Variants in KIAA1217 observed in about 807,000 individuals in gnomAD.
KIAA1217 encodes the protein sickle tail protein homolog.
In KIAA1217, 88 loss-of-function variants were observed where a neutral mutation model predicts 163.9. The observed-to-expected ratio is 0.54, with a 90% CI of 0.45 to 0.64. The LOEUF is 0.64. KIAA1217 is among the 30% of genes least tolerant of loss of function. The pLI is 0.00. For synonymous variants in KIAA1217, 903 were observed against 923.1 expected (o/e 0.98, Z 0.39); for missense variants, 2,372 against 2,475.0 (o/e 0.96, Z 0.88).
intron 2 of KIAA1217, among the ~76,000 whole-genome samples, chr10:24,170,982 T>C (rs116316566): frequency 0.018 from 2,695 of 152,310 alleles, 27 homozygotes; most frequent in Middle Eastern, 0.058. Flanking sequence ...CAAATTCCAA[T>C]GTTGTTTTCT....
rs769510313 is a variant in KIAA1217 at position 24,543,790 on chromosome 10, C to T, written c.4520C>T (p.Ala1507Val). 6.2e-6 allele frequency: 10 copies of T among 1,613,416 alleles called. No homozygotes were observed. The African/African-American group carries it at 1.1e-4, about 17-fold the overall frequency. ...NTSQMSHKKV[A>V]PGNLRTGQQV... ...TCCCAGATGTCTCATAAGAAGGTGG[C>T]CCCAGGCAATCTTAGAACCGGACAA... is the stretch of plus-strand genomic sequence containing the variant. Residue 1507 changes from alanine (A) to valine (V), a missense_variant, in exon 19 of 21, where the codon GCC becomes GTC. Transcript: ENST00000376454.
intron 1 of KIAA1217, among the ~76,000 whole-genome samples, chr10:23,772,042 A>T (rs1834820076): frequency 6.6e-6 from 1 of 152,228 alleles, no homozygotes; most frequent in Non-Finnish European, 1.5e-5. Context: ...AATTATGTGA[A>T]TTTTAAAAGT....
At chr10:23,727,208 G>A (rs751440756) in intron 1 of KIAA1217, among the ~76,000 whole-genome samples, 6 of 151,662 alleles carry the variant, frequency 4.0e-5, no homozygotes, top group Non-Finnish European at 8.8e-5. Flanking sequence ...AGTCAGGAAG[G>A]TCTCGATCTC....
intron 2 of KIAA1217, among the ~76,000 whole-genome samples, chr10:24,123,835 A>T (rs890356458): frequency 2.0e-5 from 3 of 152,184 alleles, no homozygotes; most frequent in African/African-American, 7.2e-5. Flanking sequence ...CTTCTTTGCT[A>T]ATCTCTTAGA....
intron 1 of KIAA1217, among the ~76,000 whole-genome samples, chr10:23,714,459 G>A (rs895039425): frequency 6.6e-6 from 1 of 152,022 alleles, no homozygotes; most frequent in African/African-American, 2.4e-5. Flanking sequence ...TGCAGCCAGG[G>A]CGACACTAAG....
At chr10:24,055,820 C>T (rs1849853368) in intron 2 of KIAA1217, among the ~76,000 whole-genome samples, 1 of 151,672 alleles carries the variant, frequency 6.6e-6, no homozygotes, top group South Asian at 2.1e-4. Context: ...TATTTGTGCC[C>T]TACTTATTAA....
chr10:24,353,380 G>C (rs1243307002), intron 2 of KIAA1217, among the ~76,000 whole-genome samples: 3 of 152,108 alleles, frequency 2.0e-5, no homozygotes, highest in African/African-American at 7.2e-5. Context: ...TTTCTGTGAA[G>C]TTCCGACAGG....
chr10:24,543,055 C>G lies in KIAA1217; in HGVS notation c.3785C>G (p.Thr1262Ser), dbSNP rs369544770. 1.2e-6 allele frequency: 2 copies of G among 1,613,678 alleles called. No individual in the cohort carries two copies. Among genetic ancestry groups the G allele is most frequent in the East Asian group, 4.5e-5 (2 of 44,844 alleles). The change falls in exon 19 of 21, where the codon ACT becomes AGT. Residue 1262 changes from threonine (T) to serine (S), a missense_variant. Physicochemically the swap from Thr to Ser is moderately conservative, Grantham distance 58. Transcript: ENST00000376454. The stretch of plus-strand genomic sequence containing the variant: ...GACAGTAGAAACTATTCCCAGGAAA[C>G]TGTGCCTAAGGCCAGTTTCGGTTTC... The part of the protein sequence containing the change: ...LRDSRNYSQE[T>S]VPKASFGFSG...
Position 24,227,167 on chromosome 10 carries a change from C to T in KIAA1217, c.354+7258C>T, listed in dbSNP as rs201242192. 9.1e-3 allele frequency among the ~76,000 whole-genome samples: 657 copies of T among 71,868 alleles called. 5 individuals carry two copies. The highest frequency in any genetic ancestry group is 0.031 in the African/African-American group (624 of 19,954). 47.1% of individuals were successfully genotyped at this position (71,868 alleles called of 152,430 possible). ...GGATTATTATTATTATTATTATTAT[C>T]ATTATTTTGAGACAGAGTCTCGCTC... On this transcript the variant is annotated intron_variant, in intron 2 of 20. Transcript: ENST00000376454.
rs141603678 is a variant in KIAA1217 at position 24,266,027 on chromosome 10, A to G, written c.354+46118A>G. 4.0e-3 allele frequency among the ~76,000 whole-genome samples: 603 copies of G among 152,130 alleles called. 6 individuals carry two copies. The highest frequency in any genetic ancestry group is 0.014 in the African/African-American group (574 of 41,526). On this transcript the variant is annotated intron_variant, in intron 2 of 20. Transcript: ENST00000376454. Reference sequence around the variant, plus strand: ...AAAGATACTTTGTTTTATACAGAACACTGGAGGCCCCAGTGTAATCAACAT... The same window carrying G: ...AAAGATACTTTGTTTTATACAGAACGCTGGAGGCCCCAGTGTAATCAACAT...
intron 17 of KIAA1217, among the ~76,000 whole-genome samples, chr10:24,539,260 G>C (rs187157451): frequency 4.0e-5 from 6 of 151,240 alleles, no homozygotes; most frequent in Admixed American, 4.0e-4. Context: ...ATGGAGTCTC[G>C]CTCTATCACC....
intron 1 of KIAA1217, among the ~76,000 whole-genome samples, chr10:23,924,083 A>G (rs1024862053): frequency 7.9e-5 from 12 of 152,136 alleles, no homozygotes; most frequent in Non-Finnish European, 1.0e-4. Context: ...TGATCAATTT[A>G]TGATCAAAAC....
chr10:24,284,350 T>C (rs1357170336), intron 2 of KIAA1217, among the ~76,000 whole-genome samples: 4 of 152,190 alleles, frequency 2.6e-5, no homozygotes, highest in Admixed American at 6.5e-5. Context: ...CAGCACTCAA[T>C]AGGAAGTTTT....
intron 2 of KIAA1217, among the ~76,000 whole-genome samples, chr10:24,327,655 T>A (rs1408227927): frequency 6.6e-6 from 1 of 152,110 alleles, no homozygotes; most frequent in Non-Finnish European, 1.5e-5. Flanking sequence ...ATTTTTGTAT[T>A]TTTGTAGAGA....
At chr10:24,478,435 A>C (rs1326764829) in intron 6 of KIAA1217, among the ~76,000 whole-genome samples, 5 of 152,246 alleles carry the variant, frequency 3.3e-5, no homozygotes, top group Non-Finnish European at 7.3e-5. Flanking sequence ...GAATATCTGA[A>C]GAACACAGTG....
At chr10:24,411,436 G>T (rs2131336464) in intron 3 of KIAA1217, among the ~76,000 whole-genome samples, 1 of 152,196 alleles carries the variant, frequency 6.6e-6, no homozygotes, top group Middle Eastern at 3.4e-3. Context: ...ACATTTATTG[G>T]TTTATCCCTT....
At chr10:23,797,015 GC>G (rs1352844426) in intron 1 of KIAA1217, among the ~76,000 whole-genome samples, 1 of 152,016 alleles carries the variant, frequency 6.6e-6, no homozygotes, top group Non-Finnish European at 1.5e-5. Context: ...ACCACATCTG[GC>G]TAATTGTTTC....
chr10:23,968,636 C>T (rs931632302), intron 1 of KIAA1217, among the ~76,000 whole-genome samples: 10 of 152,184 alleles, frequency 6.6e-5, no homozygotes, highest in Non-Finnish European at 1.2e-4. Context: ...CATTACCACC[C>T]AACCCCTGGC....
At chr10:24,144,316 C>G (rs1469371571) in intron 2 of KIAA1217, among the ~76,000 whole-genome samples, 1 of 152,154 alleles carries the variant, frequency 6.6e-6, no homozygotes, top group Non-Finnish European at 1.5e-5. Context: ...ATTTGCATGT[C>G]ATCTTGTAGA....
Sources: gnomAD v4.1 joint callset for allele counts (sites outside exome capture counted in the v4.1 genomes callset) on GRCh38, gnomAD v4.1.1 for gene constraint, MANE v1.5 for transcripts, NCBI Gene and HGNC (gene_info 2026-07-23, HGNC 2026-07-21) for gene names.